Variants in UBFD1 observed in about 807,000 individuals in gnomAD.
UBFD1 encodes the protein ubiquitin domain-containing protein UBFD1.
Under a neutral mutation model 35.1 loss-of-function variants are expected in UBFD1, and 12 were observed. That is an observed-to-expected ratio of 0.34 (90% CI 0.22 to 0.55). UBFD1 has a LOEUF of 0.55. Among genes scored for constraint, UBFD1 ranks in the 20% least tolerant of loss-of-function variants. UBFD1 has a pLI of 0.89. For missense variants in UBFD1, 337 were observed against 410.8 expected (o/e 0.82, Z 1.55); for synonymous variants, 178 against 167.6 (o/e 1.06, Z -0.48).
Position 23,572,768 on chromosome 16 carries a change from T to A in UBFD1, c.*2178T>A, listed in dbSNP as rs921955198. The A allele has an allele frequency of 6.5e-6, 1 of 153,326 alleles. No homozygotes were observed. The highest frequency in any genetic ancestry group is 1.5e-5 in the Non-Finnish European group (1 of 68,048). 9.5% of individuals were successfully genotyped at this position (153,326 alleles called of 1,614,324 possible). On this transcript the variant is annotated 3_prime_UTR_variant, in exon 7 of 7. Coordinates refer to ENST00000395878, the MANE Select transcript of UBFD1 (RefSeq NM_019116.3). ...TATTTTCAGTAAAATGGTGCTTTTT[T>A]CCTTACTTCGAGATACTATATATAA...
At chr16:23,559,353 A>C (rs1311952216) in intron 2 of UBFD1, 115 bp from the exon 3 acceptor site, 1 of 844,636 alleles carries the variant, frequency 1.2e-6, no homozygotes, top group Non-Finnish European at 1.8e-6. Flanking sequence ...TCACAAAGCT[A>C]ATAGGTGGTG....
rs939584189 is a variant in UBFD1 at position 23,571,031 on chromosome 16, G to A, written c.*441G>A. On this transcript the variant is annotated 3_prime_UTR_variant, in exon 7 of 7. Transcript: ENST00000395878. ...TTTGGACTGCATTGCAATGAGTTGGGGTGTTTTTTTTTTCCTTTTTTGTAT... is the reference window on the plus strand; with the variant it reads ...TTTGGACTGCATTGCAATGAGTTGGAGTGTTTTTTTTTTCCTTTTTTGTAT... 6.6e-6 allele frequency: 1 copy of A among 152,152 alleles called. No homozygotes were observed. Among genetic ancestry groups the A allele is most frequent in the African/African-American group, 2.4e-5 (1 of 41,252 alleles). The allele number at this position is 152,152 out of a possible 1,614,324, so 9.4% of individuals were successfully genotyped here.
intron 3 of UBFD1, among the ~76,000 whole-genome samples, chr16:23,560,659 T>C (rs1277090837): frequency 6.6e-6 from 1 of 152,206 alleles, no homozygotes; most frequent in African/African-American, 2.4e-5. Context: ...GTGTGAATTT[T>C]CCTCTTTGGT....
rs776806229 is a variant in UBFD1 at position 23,559,649 on chromosome 16, C to G, written c.537C>G (p.Asn179Lys). The change falls in exon 3 of 7, where the codon AAC becomes AAG. Residue 179 changes from asparagine (N) to lysine (K), a missense_variant. Asn to Lys is a moderately conservative substitution (Grantham distance 94). Around this residue, in one of 4 missense-constraint regions of UBFD1, gnomAD observed 44 missense variants for 39.2 expected, o/e 1.12. Coordinates refer to ENST00000395878, the MANE Select transcript of UBFD1 (RefSeq NM_019116.3). ...AGCAGGATGCAAAGGCCGAAGAGAACAAGAAGGAGCCTCTCTGCAGGCAGA... is the reference window on the plus strand; with the variant it reads ...AGCAGGATGCAAAGGCCGAAGAGAAGAAGAAGGAGCCTCTCTGCAGGCAGA... ...AAQQDAKAEE[N>K]KKEPLCRQKQ... 1.9e-6 allele frequency: 3 copies of G among 1,614,130 alleles called. No homozygotes were observed. Among genetic ancestry groups the G allele is most frequent in the Non-Finnish European group, 2.5e-6 (3 of 1,180,060 alleles).
chr16:23,561,751 T>G (rs1965937588), intron 3 of UBFD1: 1 of 153,242 alleles, frequency 6.5e-6, no homozygotes, highest in Admixed American at 6.5e-5. Context: ...GTGGGTGCCA[T>G]TTTTTGTCTG....
Position 23,559,673 on chromosome 16 carries a change from G to A in UBFD1, c.561G>A (p.Gln187=), listed in dbSNP as rs1406512167. ...EENKKEPLCR[Q]KQHRKVLDKG... The stretch of plus-strand genomic sequence containing the variant: ...ACAAGAAGGAGCCTCTCTGCAGGCA[G>A]AAAGTGAGTCCATCTTGTGCTTCTT... The change falls in exon 3 of 7, where the codon CAG becomes CAA. Residue 187 remains glutamine (Q), a synonymous_variant. Transcript: ENST00000395878. The A allele has an allele frequency of 6.2e-7, 1 of 1,614,244 alleles. No homozygotes were observed. Among genetic ancestry groups the A allele is most frequent in the Non-Finnish European group, 8.5e-7 (1 of 1,180,040 alleles).
chr16:23,568,157 CT>C lies in UBFD1; in HGVS notation c.819+1109del, dbSNP rs34119136. ...CTTCCACCCCTACTCTCTCTGTAGT[CT>C]TTTTTTTTTTTTTTTTTTTTGAGAC... On this transcript the variant is annotated intron_variant, in intron 6 of 6. Transcript: ENST00000395878. Among the ~76,000 whole-genome samples the C allele has an allele frequency of 3.6e-3, 409 of 114,610 alleles. 1 individual carries two copies. Among genetic ancestry groups the C allele is most frequent in the African/African-American group, 9.9e-3 (292 of 29,530 alleles). 75.2% of individuals were successfully genotyped at this position (114,610 alleles called of 152,430 possible).
chr16:23,566,825 C>G (rs1221498758), intron 5 of UBFD1, 162 bp from the exon 6 acceptor site: 2 of 641,568 alleles, frequency 3.1e-6, no homozygotes, highest in African/African-American at 3.6e-5. Flanking sequence ...CCTATGTGCA[C>G]TGGTCAGAAG....
In UBFD1 at chr16:23,572,604, T is replaced by C. The variant is rs1271085108; in HGVS notation, c.*2014T>C. On this transcript the variant is annotated 3_prime_UTR_variant, in exon 7 of 7. Coordinates refer to ENST00000395878, the MANE Select transcript of UBFD1 (RefSeq NM_019116.3). ...TCCACCTGCTCCCCTTATTGCCCCA[T>C]TCTTGTGGCTTGCCGGGCCACTTGG... The C allele has an allele frequency of 1.3e-5, 2 of 153,514 alleles. No homozygotes were observed. Among genetic ancestry groups the C allele is most frequent in the African/African-American group, 4.8e-5 (2 of 41,434 alleles). 9.5% of individuals were successfully genotyped at this position (153,514 alleles called of 1,614,324 possible). A position where few individuals can be genotyped will look rare whatever the true frequency, so the allele number is the denominator to read the frequency against.
chr16:23,562,120 G>C, intron 3 of UBFD1, 86 bp from the exon 4 acceptor site: 1 of 1,280,530 alleles, frequency 7.8e-7, no homozygotes, highest in South Asian at 1.3e-5. Flanking sequence ...AAACACTAAG[G>C]CTTTCTTCAT....
chr16:23,562,595 C>G, intron 4 of UBFD1, 30 bp from the exon 5 acceptor site: 3 of 1,603,814 alleles, frequency 1.9e-6, no homozygotes, highest in East Asian at 2.2e-5. Flanking sequence ...GACTGTCCCT[C>G]CATCTCTTAC....
In UBFD1 at chr16:23,573,124, T is replaced by G. The variant is rs1430379490; in HGVS notation, c.*2534T>G. On this transcript the variant is annotated 3_prime_UTR_variant, in exon 7 of 7. Transcript: ENST00000395878. ...TTTCTTTTAGGTAGCGTCACAGTGG[T>G]TTTTTTTTTCCTCAGGATAATTTCT... 1 of 149,966 alleles carries G rather than the reference T, an allele frequency of 6.7e-6. No homozygotes were observed. Among genetic ancestry groups the G allele is most frequent in the Non-Finnish European group, 1.5e-5 (1 of 67,278 alleles). The allele number at this position is 149,966 out of a possible 1,614,324, so 9.3% of individuals were successfully genotyped here.
chr16:23,570,357 A>C, intron 6 of UBFD1, 123 bp from the exon 7 acceptor site: 1 of 735,430 alleles, frequency 1.4e-6, no homozygotes. Flanking sequence ...CCACGTGCAA[A>C]GTTTTGTTTG....
At chr16:23,558,311 C>G in intron 2 of UBFD1, 32 bp downstream of exon 2, 1 of 1,592,336 alleles carries the variant, frequency 6.3e-7, no homozygotes, top group South Asian at 1.1e-5. Flanking sequence ...GCCAGTCTTC[C>G]CCACCCCGCC....
In UBFD1 at chr16:23,574,147, C is replaced by G. The variant is rs79742498; in HGVS notation, c.*3557C>G. 3,325 of 150,444 alleles carry G rather than the reference C, an allele frequency of 0.022. 85 individuals carry two copies. The highest frequency in any genetic ancestry group is 0.068 in the Admixed American group (1,024 of 15,054). The allele number at this position is 150,444 out of a possible 1,614,324, so 9.3% of individuals were successfully genotyped here. ...TACTGCTTTCTCAATTTCTAAGAAC[C>G]TTTTTTTTTTCTTAAAGAGTTCTGC... On this transcript the variant is annotated 3_prime_UTR_variant, in exon 7 of 7. Coordinates refer to ENST00000395878, the MANE Select transcript of UBFD1 (RefSeq NM_019116.3).
chr16:23,568,395 C>T (rs906635705), intron 6 of UBFD1, among the ~76,000 whole-genome samples: 2 of 151,032 alleles, frequency 1.3e-5, no homozygotes, highest in Non-Finnish European at 3.0e-5. Flanking sequence ...CTTGACCTGG[C>T]GATCCGCCCA....
At chr16:23,560,338 C>T (rs1202434647) in intron 3 of UBFD1, among the ~76,000 whole-genome samples, 1 of 152,174 alleles carries the variant, frequency 6.6e-6, no homozygotes, top group Non-Finnish European at 1.5e-5. Flanking sequence ...ATGGAAGGAA[C>T]AGGTTGTAAG....
chr16:23,557,781 G>A lies in UBFD1; in HGVS notation c.25+14G>A, dbSNP rs892718625. 7.8e-7 allele frequency: 1 copy of A among 1,282,496 alleles called. No homozygotes were observed. The highest frequency in any genetic ancestry group is 9.9e-7 in the Non-Finnish European group (1 of 1,014,636). The allele number at this position is 1,282,496 out of a possible 1,614,324, so 79.4% of individuals were successfully genotyped here. A position where few individuals can be genotyped will look rare whatever the true frequency, so the allele number is the denominator to read the frequency against. On this transcript the variant is annotated intron_variant, in intron 1 of 6. Coordinates refer to ENST00000395878, the MANE Select transcript of UBFD1 (RefSeq NM_019116.3). ...GGGCCCCGGATGGTGAGTGCGGCGG[G>A]GGTGGCGGGCGCCGGGCCGGGGCTG...
chr16:23,560,555 T>C (rs569184806), intron 3 of UBFD1, among the ~76,000 whole-genome samples: 6 of 152,268 alleles, frequency 3.9e-5, no homozygotes, highest in Admixed American at 6.5e-5. Flanking sequence ...GTGTTACAGA[T>C]CCATAATCCC....
Sources: gnomAD v4.1 joint callset for allele counts (sites outside exome capture counted in the v4.1 genomes callset) on GRCh38, gnomAD v4.1.1 for gene constraint, gnomAD v4.1.1 regional missense constraint, MANE v1.5 for transcripts, NCBI Gene and HGNC (gene_info 2026-07-23, HGNC 2026-07-21) for gene names.